CTNNA2: variants seen among roughly 807,000 people sequenced by gnomAD.
CTNNA2 encodes the protein catenin alpha 2.
In CTNNA2, 42 loss-of-function variants were observed where a neutral mutation model predicts 101.0. That is an observed-to-expected ratio of 0.42 (90% CI 0.32 to 0.54). The LOEUF (loss-of-function observed/expected upper bound fraction) is 0.54. CTNNA2 is among the 20% of genes least tolerant of loss of function. CTNNA2 has a pLI of 0.14. For synonymous variants in CTNNA2, 450 were observed against 456.4 expected, an observed-to-expected ratio of 0.99 and a Z score of 0.18; for missense variants, 871 against 1,223.1, an observed-to-expected ratio of 0.71 and a Z score of 4.29.
At chr2:80,306,470 C>G (rs1677028293) in intron 7 of CTNNA2, among the ~76,000 whole-genome samples, 2 of 140,068 alleles carry the variant, frequency 1.4e-5, no homozygotes, top group African/African-American at 5.3e-5. Flanking sequence ...CTCTTTCTTT[C>G]TTTCTTAATT....
At chr2:79,261,186 C>T (rs769086021) in intron 2 of CTNNA2, among the ~76,000 whole-genome samples, 12 of 152,112 alleles carry the variant, frequency 7.9e-5, no homozygotes, top group African/African-American at 1.4e-4. Flanking sequence ...AGAAGTAGCA[C>T]GTCAGGGCAT....
At chr2:80,162,222 C>A (rs1187834407) in intron 7 of CTNNA2, among the ~76,000 whole-genome samples, 1 of 152,168 alleles carries the variant, frequency 6.6e-6, no homozygotes, top group African/African-American at 2.4e-5. Flanking sequence ...GTAGCACCAT[C>A]TTTTGCATAA....
chr2:79,607,641 G>T (rs1176872581), intron 1 of CTNNA2, among the ~76,000 whole-genome samples: 1 of 151,962 alleles, frequency 6.6e-6, no homozygotes, highest in Non-Finnish European at 1.5e-5. Flanking sequence ...CAAATATTTG[G>T]GTGGCAAATA....
At chr2:79,464,917 C>A (rs1049686482) in intron 4 of CTNNA2, among the ~76,000 whole-genome samples, 18 of 151,828 alleles carry the variant, frequency 1.2e-4, no homozygotes, top group Admixed American at 3.9e-4. Context: ...CAAAAATGTT[C>A]TCCCATTCTG....
chr2:79,289,042 G>A (rs775982700), intron 2 of CTNNA2, among the ~76,000 whole-genome samples: 3 of 152,172 alleles, frequency 2.0e-5, no homozygotes, highest in Admixed American at 6.5e-5. Context: ...TTTCATAATA[G>A]AATTTTAGGG....
intron 7 of CTNNA2, among the ~76,000 whole-genome samples, chr2:80,113,959 A>G (rs1319439107): frequency 6.6e-6 from 1 of 152,166 alleles, no homozygotes; most frequent in Admixed American, 6.5e-5. Context: ...TATTCAATCT[A>G]CTTAAAAGAA....
At chr2:79,252,593 G>A (rs1330301768) in intron 2 of CTNNA2, among the ~76,000 whole-genome samples, 1 of 151,820 alleles carries the variant, frequency 6.6e-6, no homozygotes, top group Non-Finnish European at 1.5e-5. Flanking sequence ...AGCTTCATTT[G>A]TAAGTTTTTT....
At chr2:79,211,117 T>G (rs1216372019) in intron 2 of CTNNA2, among the ~76,000 whole-genome samples, 1 of 152,186 alleles carries the variant, frequency 6.6e-6, no homozygotes, top group Non-Finnish European at 1.5e-5. Context: ...CTCTTCAAAT[T>G]TGAGCTTCTT....
chr2:80,621,982 A>G (rs1053811416), intron 18 of CTNNA2, among the ~76,000 whole-genome samples: 2 of 151,964 alleles, frequency 1.3e-5, no homozygotes, highest in African/African-American at 4.8e-5. Context: ...TATTGTATAT[A>G]AAAAGGACAG....
intron 3 of CTNNA2, among the ~76,000 whole-genome samples, chr2:79,851,151 A>G (rs971527750): frequency 1.3e-5 from 2 of 152,220 alleles, no homozygotes; most frequent in African/African-American, 4.8e-5. Context: ...GGCATGATGT[A>G]ATGCATCAAG....
intron 7 of CTNNA2, among the ~76,000 whole-genome samples, chr2:80,184,960 T>C (rs1484812144): frequency 6.6e-6 from 1 of 152,194 alleles, no homozygotes; most frequent in Non-Finnish European, 1.5e-5. Flanking sequence ...AGTTCTTCTG[T>C]ATGCTAGTAT....
At chr2:80,118,046 G>A (rs945818888) in intron 7 of CTNNA2, among the ~76,000 whole-genome samples, 7 of 152,268 alleles carry the variant, frequency 4.6e-5, no homozygotes, top group Admixed American at 3.9e-4. Flanking sequence ...AAGAGCCCAA[G>A]TTCTTAACCA....
intron 7 of CTNNA2, among the ~76,000 whole-genome samples, chr2:80,028,847 A>G (rs944406985): frequency 1.3e-5 from 2 of 152,184 alleles, no homozygotes; most frequent in African/African-American, 4.8e-5. Context: ...AAGGAAATAG[A>G]TTTCTTTGTA....
At chr2:80,099,454 A>T (rs554499004) in intron 7 of CTNNA2, among the ~76,000 whole-genome samples, 1 of 152,348 alleles carries the variant, frequency 6.6e-6, no homozygotes, top group Admixed American at 6.5e-5. Context: ...TGTAGTGGTC[A>T]GAAATCCTCT....
At chr2:80,138,581 A>G (rs993010614) in intron 7 of CTNNA2, among the ~76,000 whole-genome samples, 6 of 152,092 alleles carry the variant, frequency 3.9e-5, no homozygotes, top group Non-Finnish European at 7.4e-5. Context: ...GCATCTTCCC[A>G]AGTACCCATC....
At chr2:79,203,383 T>C (rs535577930) in intron 2 of CTNNA2, among the ~76,000 whole-genome samples, 1 of 152,166 alleles carries the variant, frequency 6.6e-6, no homozygotes, top group Non-Finnish European at 1.5e-5. Context: ...ATAAAGGAAC[T>C]AGTTCAAAGT....
intron 1 of CTNNA2, among the ~76,000 whole-genome samples, chr2:79,553,647 G>A (rs971565604): frequency 6.6e-6 from 1 of 152,178 alleles, no homozygotes; most frequent in Non-Finnish European, 1.5e-5. Flanking sequence ...GGAAGAGATA[G>A]TGAAGTGCTA....
At chr2:80,102,955 G>A (rs138652570) in intron 7 of CTNNA2, among the ~76,000 whole-genome samples, 33 of 152,284 alleles carry the variant, frequency 2.2e-4, no homozygotes, top group Non-Finnish European at 2.9e-4. Flanking sequence ...GCAATGTGAC[G>A]TGAGTTCTAT....
At position 79,848,429 on chromosome 2, in the gene CTNNA2, TGGC is replaced by T. The variant is rs1439276289; in HGVS notation, c.299-9583_299-9581del. 1.4e-3 allele frequency among the ~76,000 whole-genome samples: 212 copies of T among 152,328 alleles called. 1 individual carries two copies. Among genetic ancestry groups the T allele is most frequent in the African/African-American group, 4.9e-3 (202 of 41,580 alleles). On this transcript the variant is annotated intron_variant, in intron 3 of 18. Coordinates refer to ENST00000402739, the MANE Select transcript of CTNNA2 (RefSeq NM_001282597.3). ...ACAATAATCACCTTTTTATGGAATG[TGGC>T]TATTGCTACATTTAACAGGTCTTTG...
Sources: gnomAD v4.1 joint callset for allele counts (sites outside exome capture counted in the v4.1 genomes callset) on GRCh38, gnomAD v4.1.1 for gene constraint, MANE v1.5 for transcripts, NCBI Gene and HGNC (gene_info 2026-07-23, HGNC 2026-07-21) for gene names.